The following STX8 variants were observed in gnomAD, a reference collection of about 807,000 sequenced individuals.
STX8 encodes syntaxin 8, also known as syntaxin-8.
In STX8, 23 loss-of-function variants were observed where a neutral mutation model predicts 37.5. That is an observed-to-expected ratio of 0.61 (90% CI 0.44 to 0.87). The LOEUF is 0.87. STX8 is among the 40% of genes least tolerant of loss of function. The pLI, the probability that STX8 is intolerant of heterozygous loss-of-function variation, is 0.00. For missense variants in STX8, 313 were observed against 284.7 expected (o/e 1.10, Z -0.71); for synonymous variants, 115 against 99.1 (o/e 1.16, Z -0.95).
intron 6 of STX8, among the ~76,000 whole-genome samples, chr17:9,473,038 C>CT (rs1259054185): frequency 9.3e-6 from 1 of 107,630 alleles, no homozygotes; most frequent in East Asian, 2.0e-4. Context: ...GTCTCAGGAT[C>CT]TTTTTTTCTT....
intron 7 of STX8, among the ~76,000 whole-genome samples, chr17:9,299,505 G>A (rs1022078893): frequency 8.0e-5 from 12 of 149,342 alleles, no homozygotes; most frequent in Admixed American, 2.0e-4. Context: ...GTGCAGTGGC[G>A]CGATCTGGGC....
intron 6 of STX8, among the ~76,000 whole-genome samples, chr17:9,395,432 T>TA (rs969288998): frequency 1.1e-4 from 16 of 150,996 alleles, no homozygotes; most frequent in Admixed American, 3.3e-4. Context: ...ATGGTAAAAA[T>TA]AAAAAAAATC....
intron 6 of STX8, among the ~76,000 whole-genome samples, chr17:9,380,093 T>A (rs545156795): frequency 6.6e-6 from 1 of 152,300 alleles, no homozygotes; most frequent in East Asian, 1.9e-4. Flanking sequence ...ATCTTAACTA[T>A]GTAAAATTAT....
At chr17:9,316,997 G>A (rs1234403932) in intron 7 of STX8, among the ~76,000 whole-genome samples, 2 of 152,024 alleles carry the variant, frequency 1.3e-5, no homozygotes, top group Admixed American at 6.6e-5. Flanking sequence ...AAAGACAGTC[G>A]GTTCTTTTTT....
At chr17:9,340,857 A>G (rs1280439356) in intron 7 of STX8, among the ~76,000 whole-genome samples, 3 of 150,234 alleles carry the variant, frequency 2.0e-5, no homozygotes, top group African/African-American at 4.9e-5. Context: ...GGGTTTCTCC[A>G]TGTTGGTTAG....
intron 6 of STX8, among the ~76,000 whole-genome samples, chr17:9,455,650 T>C (rs1330835882): frequency 1.3e-5 from 2 of 152,114 alleles, no homozygotes; most frequent in Non-Finnish European, 2.9e-5. Context: ...AATAAGAATT[T>C]TTAAAAAACT....
intron 2 of STX8, among the ~76,000 whole-genome samples, chr17:9,564,612 C>A (rs1485442905): frequency 6.6e-6 from 1 of 152,044 alleles, no homozygotes; most frequent in Non-Finnish European, 1.5e-5. Context: ...TTACAATTGC[C>A]AACAGAAAAT....
intron 6 of STX8, among the ~76,000 whole-genome samples, chr17:9,412,090 C>G (rs925856641): frequency 6.6e-6 from 1 of 152,096 alleles, no homozygotes; most frequent in African/African-American, 2.4e-5. Context: ...ATTCAGTCAA[C>G]TTGAGTTGAC....
chr17:9,311,447 C>T (rs1245988062), intron 7 of STX8, among the ~76,000 whole-genome samples: 1 of 152,086 alleles, frequency 6.6e-6, no homozygotes, highest in Non-Finnish European at 1.5e-5. Context: ...TAATGAAGAA[C>T]TGCTTTTAGA....
Position 9,286,632 on chromosome 17 carries a change from G to A in STX8, c.644-35987C>T, listed in dbSNP as rs544855588. ...CTAAGCTGGCTACAGCAGCTGCAGA[G>A]GCTGAGTCTTTAAATGAAATAAAGA... On this transcript the variant is annotated intron_variant, in intron 7 of 7. Coordinates refer to ENST00000306357, the MANE Select transcript of STX8 (RefSeq NM_004853.3). 2.6e-5 allele frequency among the ~76,000 whole-genome samples: 4 copies of A among 151,642 alleles called. No homozygotes were observed. In the South Asian group the frequency reaches 8.3e-4, roughly 32 times the overall value.
intron 7 of STX8, among the ~76,000 whole-genome samples, chr17:9,326,321 C>T (rs1156329198): frequency 5.3e-5 from 8 of 152,070 alleles, no homozygotes; most frequent in Admixed American, 1.3e-4. Context: ...AGGGTTTCAC[C>T]GTGTTGCCCA....
rs1307369410 is a variant in STX8, at chr17:9,426,329, C to G, written c.542-47676G>C. On this transcript the variant is annotated intron_variant, in intron 6 of 7. Coordinates refer to ENST00000306357, the MANE Select transcript of STX8 (RefSeq NM_004853.3). Reference sequence around the variant, plus strand: ...ATCACCTGAGGTCAGGAGTTTGAGACCAGCCTGGCCAACATGGCGAAACCC... The same window carrying G: ...ATCACCTGAGGTCAGGAGTTTGAGAGCAGCCTGGCCAACATGGCGAAACCC... Among the ~76,000 whole-genome samples the G allele has an allele frequency of 2.0e-5, 3 of 152,154 alleles. No individual in the cohort carries two copies. The South Asian group carries it at 6.2e-4, about 32-fold the overall frequency.
intron 4 of STX8, among the ~76,000 whole-genome samples, chr17:9,508,343 T>G (rs74454790): frequency 6.6e-6 from 1 of 152,202 alleles, no homozygotes; most frequent in Non-Finnish European, 1.5e-5. Context: ...TTTATTTTTT[T>G]GGAGACAGGT....
chr17:9,449,419 A>G (rs2125350), intron 6 of STX8, among the ~76,000 whole-genome samples: 40,157 of 152,116 alleles, frequency 0.26, 6,899 homozygotes, highest in East Asian at 0.71. Context: ...AATTAGCCGG[A>G]CATGGCGGCG....
At position 9,329,197 on chromosome 17, in the gene STX8, G is replaced by A. The variant is rs1909882658; in HGVS notation, c.643+49355C>T. On this transcript the variant is annotated intron_variant, in intron 7 of 7. Transcript: ENST00000306357. ...TTCCCACAGAAACATTATGGCCATAGCGAAAACAAAACACGAAAACCAAAA... is the reference window on the plus strand; with the variant it reads ...TTCCCACAGAAACATTATGGCCATAACGAAAACAAAACACGAAAACCAAAA... Among the ~76,000 whole-genome samples the A allele has an allele frequency of 3.3e-5, 5 of 151,034 alleles. No homozygotes were observed. The South Asian group carries it at 1.0e-3, about 32-fold the overall frequency.
intron 6 of STX8, among the ~76,000 whole-genome samples, chr17:9,463,034 C>T (rs58715362): frequency 0.016 from 2,362 of 152,262 alleles, 68 homozygotes; most frequent in African/African-American, 0.054. Context: ...AAAAGTAAAG[C>T]AAGAGCTCCC....
At chr17:9,537,605 A>C (rs914198694) in intron 4 of STX8, among the ~76,000 whole-genome samples, 1 of 152,224 alleles carries the variant, frequency 6.6e-6, no homozygotes, top group African/African-American at 2.4e-5. Flanking sequence ...ACATGTGCTG[A>C]ATCAACAACA....
chr17:9,398,504 T>C (rs1912488364), intron 6 of STX8, among the ~76,000 whole-genome samples: 1 of 152,194 alleles, frequency 6.6e-6, no homozygotes, highest in Non-Finnish European at 1.5e-5. Flanking sequence ...TATAATGCCG[T>C]ATCCTAGAAC....
intron 2 of STX8, among the ~76,000 whole-genome samples, chr17:9,559,760 A>ATATATATATATATTTTTTTT: frequency 4.1e-5 from 1 of 24,490 alleles, no homozygotes; most frequent in African/African-American, 1.9e-4. Context: ...ATATATATAT[A>ATATATATATATATTTTTTTT]TTTTTTTTTT....
Sources: gnomAD v4.1 joint callset for allele counts (sites outside exome capture counted in the v4.1 genomes callset) on GRCh38, gnomAD v4.1.1 for gene constraint, MANE v1.5 for transcripts, NCBI Gene and HGNC (gene_info 2026-07-23, HGNC 2026-07-21) for gene names.